SMPD4: variants seen among roughly 807,000 people sequenced by gnomAD.
SMPD4 encodes neutral sphingomyelinase 3.
Under a neutral mutation model 97.8 loss-of-function variants are expected in SMPD4, and 58 were observed. That is an observed-to-expected ratio of 0.59 (90% confidence interval 0.48 to 0.74). The LOEUF is 0.74. SMPD4 is among the 30% of genes least tolerant of loss of function. SMPD4 has a pLI of 0.00. For synonymous variants in SMPD4, 388 were observed against 450.0 expected (o/e 0.86, Z 1.74); for missense variants, 853 against 1,080.5 (o/e 0.79, Z 2.95).
In SMPD4 at chr2:130,152,899, G is replaced by A; in HGVS notation, c.2155-15C>T. On this transcript the variant is annotated splice_polypyrimidine_tract_variant and intron_variant, in intron 19 of 19. Coordinates refer to ENST00000680298, the MANE Select transcript of SMPD4 (RefSeq NM_017951.5). Reference sequence around the variant, plus strand: ...TGTCCTGCAAACTGAAGCACAGACAGAGGCACGGGGATGTGGGGTGGTGGC... The same window carrying A: ...TGTCCTGCAAACTGAAGCACAGACAAAGGCACGGGGATGTGGGGTGGTGGC... 2 of 1,570,048 alleles carry A rather than the reference G, an allele frequency of 1.3e-6. No homozygotes were observed. The highest frequency in any genetic ancestry group is 1.7e-6 in the Non-Finnish European group (2 of 1,156,252).
At chr2:130,156,911 C>A in intron 12 of SMPD4, 1 of 1,160,272 alleles carries the variant, frequency 8.6e-7, no homozygotes, top group Non-Finnish European at 1.2e-6. Flanking sequence ...GCACACACCT[C>A]ACCCTCCGTC....
intron 15 of SMPD4, 148 bp downstream of exon 15, chr2:130,154,948 C>T (rs1412279394): frequency 3.4e-5 from 35 of 1,042,806 alleles, no homozygotes; most frequent in Admixed American, 3.1e-4. Context: ...ACCACACAGA[C>T]GTGTCCCAGG....
chr2:130,175,369 T>C (rs1489524053), intron 2 of SMPD4, among the ~76,000 whole-genome samples: 1 of 152,120 alleles, frequency 6.6e-6, no homozygotes, highest in African/African-American at 2.4e-5. Flanking sequence ...CCACAGAGTA[T>C]AACTGAGTTT....
chr2:130,165,135 AAAG>A (rs1379798948), intron 9 of SMPD4, among the ~76,000 whole-genome samples: 1 of 147,466 alleles, frequency 6.8e-6, no homozygotes, highest in Non-Finnish European at 1.5e-5. Flanking sequence ...AAAAAAAAAA[AAAG>A]GGCTGGGCAC....
intron 2 of SMPD4, among the ~76,000 whole-genome samples, chr2:130,176,231 C>A (rs1359054418): frequency 6.6e-6 from 1 of 152,198 alleles, no homozygotes; most frequent in Non-Finnish European, 1.5e-5. Flanking sequence ...TACTTCATAT[C>A]TATTTAAGAA....
At chr2:130,159,351 A>G (rs546286725) in intron 11 of SMPD4, among the ~76,000 whole-genome samples, 4 of 152,218 alleles carry the variant, frequency 2.6e-5, no homozygotes, top group African/African-American at 9.6e-5. Flanking sequence ...TTGTTTTGGA[A>G]GAAAGGGCCA....
rs1688464420 is a variant in SMPD4, at chr2:130,171,526, C to T, written c.659+823G>A. Among the ~76,000 whole-genome samples the T allele has an allele frequency of 1.3e-5, 2 of 152,108 alleles. 1 individual carries two copies. Among genetic ancestry groups the T allele is most frequent in the South Asian group, 4.1e-4 (2 of 4,822 alleles). On this transcript the variant is annotated intron_variant, in intron 8 of 19. Transcript: ENST00000680298. ...CATCTAAGAGGGTGTGAATCTGCCT[C>T]ACCTCCGAGTCCTCCACAGGATCAG... is the stretch of plus-strand genomic sequence containing the variant.
At chr2:130,172,603 G>T (rs1486188021) in intron 7 of SMPD4, 22 bp downstream of exon 7, 5 of 1,614,034 alleles carry the variant, frequency 3.1e-6, no homozygotes, top group Non-Finnish European at 4.2e-6. Context: ...ACCTCTCCCA[G>T]CAAAAGGCAT....
intron 10 of SMPD4, 64 bp from the exon 11 acceptor site, chr2:130,161,336 G>A: frequency 7.0e-7 from 1 of 1,419,744 alleles, no homozygotes; most frequent in South Asian, 1.2e-5. Flanking sequence ...GAATGGGGTG[G>A]GGAAGGGGAG....
chr2:130,156,164 C>A lies in SMPD4; in HGVS notation c.1189-29G>T, dbSNP rs372858445. ...TGGGGGAGGTGTGTGCTAAGGGCTCCGTGGCTGGGGGCCAAATACTCGGTG... is the reference window on the plus strand; with the variant it reads ...TGGGGGAGGTGTGTGCTAAGGGCTCAGTGGCTGGGGGCCAAATACTCGGTG... On this transcript the variant is annotated intron_variant, in intron 13 of 19. Coordinates refer to ENST00000680298, the MANE Select transcript of SMPD4 (RefSeq NM_017951.5). 691 of 1,580,866 alleles carry A rather than the reference C, an allele frequency of 4.4e-4. 2 individuals are homozygous for A. The Middle Eastern group carries it at 7.9e-3, about 18-fold the overall frequency.
chr2:130,157,480 C>T (rs1355059195), intron 11 of SMPD4, 84 bp from the exon 12 acceptor site: 2 of 1,572,692 alleles, frequency 1.3e-6, no homozygotes, highest in Admixed American at 3.6e-5. Flanking sequence ...ACATCCCGCC[C>T]TGAGCCAGTT....
chr2:130,170,763 C>T (rs75368060), intron 8 of SMPD4, among the ~76,000 whole-genome samples: 48 of 139,668 alleles, frequency 3.4e-4, no homozygotes, highest in African/African-American at 1.2e-3. Flanking sequence ...GGCCCTGTCT[C>T]AAAAAAAAAA....
chr2:130,155,923 G>A, intron 14 of SMPD4, 112 bp downstream of exon 14: 1 of 1,071,068 alleles, frequency 9.3e-7, no homozygotes, highest in Non-Finnish European at 1.4e-6. Context: ...GAGGCCACGG[G>A]GGCCAGGGCC....
upstream of SMPD4, chr2:130,181,709 G>GGGAAGAGAAATGGCGA: frequency 6.5e-7 from 1 of 1,548,466 alleles, no homozygotes; most frequent in South Asian, 1.2e-5. Flanking sequence ...CGGCCGGGCG[G>GGGAAGAGAAATGGCGA]GGAAGAGAAA....
chr2:130,181,482 G>A (rs1234314230), intron 1 of SMPD4, 48 bp downstream of exon 1: 1 of 1,561,392 alleles, frequency 6.4e-7, no homozygotes, highest in African/African-American at 1.4e-5. Flanking sequence ...GCTCGGGGAA[G>A]CCCCCAGGGC....
Position 130,162,132 on chromosome 2 carries a change from G to A in SMPD4, c.865-860C>T, listed in dbSNP as rs2599762. On this transcript the variant is annotated intron_variant, in intron 10 of 19. Transcript: ENST00000680298. ...CCGCACCAGAAACTCCCACCCTCCA[G>A]ATACAGTGGGTTCCCAAGGGCGGGA... 5.3e-5 allele frequency among the ~76,000 whole-genome samples: 8 copies of A among 152,314 alleles called. No individual in the cohort carries two copies. The East Asian group carries it at 1.5e-3, about 29-fold the overall frequency.
At chr2:130,172,008 TTTTTGCTCATAGGACAA>T (rs1488831779) in intron 8 of SMPD4, among the ~76,000 whole-genome samples, 4 of 152,202 alleles carry the variant, frequency 2.6e-5, no homozygotes, top group Non-Finnish European at 5.9e-5. Flanking sequence ...ATTCCTATTT[TTTTTGCTCATAGGACAA>T]CCTTTCCACC....
At chr2:130,159,637 CAAAAA>C (rs543921050) in intron 11 of SMPD4, 2 of 72,900 alleles carry the variant, frequency 2.7e-5, no homozygotes, top group Non-Finnish European at 5.7e-5. Flanking sequence ...GACTCCATCT[CAAAAA>C]AAAAAAAAAA....
intron 8 of SMPD4, among the ~76,000 whole-genome samples, chr2:130,169,698 G>A (rs962702144): frequency 5.9e-5 from 9 of 151,952 alleles, no homozygotes; most frequent in Non-Finnish European, 1.2e-4. Flanking sequence ...TGGGACCATA[G>A]TTGCACATCA....
Sources: allele counts gnomAD v4.1 joint callset (sites outside exome capture counted in the v4.1 genomes callset), GRCh38; gene constraint gnomAD v4.1.1; transcripts MANE v1.5; gene names NCBI Gene and HGNC (gene_info 2026-07-23, HGNC 2026-07-21).